The following IL17RA variants were observed in gnomAD, a reference collection of about 807,000 sequenced individuals.
IL17RA encodes the protein interleukin-17 receptor A.
Under a neutral mutation model 50.4 loss-of-function variants are expected in IL17RA, and 34 were observed. The ratio of observed to expected loss-of-function variants is 0.67; its 90% CI spans 0.51 to 0.90. IL17RA has a LOEUF of 0.90. Ranked by LOEUF, IL17RA falls within the 40% of genes least tolerant of loss-of-function variation. The probability of loss-of-function intolerance (pLI) is 0.00; values close to 1 mark genes in which losing one functional copy is unlikely to be tolerated. For missense variants in IL17RA, 1,276 were observed against 1,169.8 expected, an observed-to-expected ratio of 1.09 and a Z score of -1.32; for synonymous variants, 585 against 510.4, an observed-to-expected ratio of 1.15 and a Z score of -1.97.
chr22:17,106,361 C>T (rs1203083649), intron 11 of IL17RA, among the ~76,000 whole-genome samples: 2 of 152,162 alleles, frequency 1.3e-5, no homozygotes, highest in Non-Finnish European at 2.9e-5. Flanking sequence ...AGAGAAGGCT[C>T]CGGCTGCCCT....
rs1419874471 is a variant in IL17RA, at chr22:17,112,540, A to G, written c.*2720A>G. On this transcript the variant is annotated 3_prime_UTR_variant, in exon 13 of 13. Transcript: ENST00000319363. ...TAGAGAAAGGAGTCATAAATTCTCC[A>G]AGGTGTCTGTTTCTTCTTTAATGTC... 6.6e-6 allele frequency: 1 copy of G among 151,946 alleles called. No individual in the cohort carries two copies. The highest frequency in any genetic ancestry group is 1.5e-5 in the Non-Finnish European group (1 of 68,006). The allele number at this position is 151,946 out of a possible 1,614,324, so 9.4% of individuals were successfully genotyped here. A position where few individuals can be genotyped will look rare whatever the true frequency, so the allele number is the denominator to read the frequency against.
rs2061441655 is a variant in IL17RA, at chr22:17,111,272, G to T, written c.*1452G>T. 1 of 152,256 alleles carries T rather than the reference G, an allele frequency of 6.6e-6. No individual in the cohort carries two copies. Among genetic ancestry groups the T allele is most frequent in the African/African-American group, 2.4e-5 (1 of 41,430 alleles). 9.4% of individuals were successfully genotyped at this position (152,256 alleles called of 1,614,324 possible). A position where few individuals can be genotyped will look rare whatever the true frequency, so the allele number is the denominator to read the frequency against. On this transcript the variant is annotated 3_prime_UTR_variant, in exon 13 of 13. Coordinates refer to ENST00000319363, the MANE Select transcript of IL17RA (RefSeq NM_014339.7). ...GGTGAAACGTAAAAGCATCTGGCAG[G>T]AAGGTGAGTCTGAAGCCCTGCACCC... is the stretch of plus-strand genomic sequence containing the variant.
Position 17,105,606 on chromosome 22 carries a change from A to G in IL17RA, c.943+4A>G. On this transcript the variant is annotated splice_donor_region_variant and intron_variant, in intron 10 of 12. Transcript: ENST00000319363. ...CTCATTGCAGAACCAATTCCGGGTA[A>G]GCTTGGATCTCTCTCCGACAGCACT... 6.2e-7 allele frequency: 1 copy of G among 1,613,402 alleles called. No individual in the cohort carries two copies. The highest frequency in any genetic ancestry group is 8.5e-7 in the Non-Finnish European group (1 of 1,179,336).
chr22:17,105,984 G>A (rs2061413417), intron 11 of IL17RA, 30 bp downstream of exon 11: 1 of 1,566,030 alleles, frequency 6.4e-7, no homozygotes, highest in Non-Finnish European at 8.8e-7. Context: ...CTGTCCTGGA[G>A]TCAGGCTCTA....
intron 1 of IL17RA, among the ~76,000 whole-genome samples, chr22:17,092,887 A>G (rs1216289027): frequency 2.0e-5 from 3 of 152,168 alleles, no homozygotes; most frequent in Non-Finnish European, 4.4e-5. Context: ...CCTCAATTTC[A>G]TAGACTAACC....
intron 9 of IL17RA, among the ~76,000 whole-genome samples, chr22:17,105,207 C>A (rs1442391034): frequency 3.3e-5 from 5 of 152,292 alleles, no homozygotes; most frequent in African/African-American, 1.2e-4. Flanking sequence ...CCACCCCAAA[C>A]CCCAGGTTCC....
At chr22:17,101,323 T>G (rs2123801844) in intron 5 of IL17RA, among the ~76,000 whole-genome samples, 1 of 152,326 alleles carries the variant, frequency 6.6e-6, no homozygotes. Flanking sequence ...TTAAGGATGG[T>G]GTTGACCTTC....
chr22:17,114,464 CCCCTGGAGT>C lies in IL17RA; in HGVS notation c.*4647_*4655del, dbSNP rs2061458608. The C allele has an allele frequency of 6.6e-6, 1 of 152,320 alleles. No homozygotes were observed. Among genetic ancestry groups the C allele is most frequent in the Admixed American group, 6.5e-5 (1 of 15,284 alleles). The allele number at this position is 152,320 out of a possible 1,614,324, so 9.4% of individuals were successfully genotyped here. A position where few individuals can be genotyped will look rare whatever the true frequency, so the allele number is the denominator to read the frequency against. ...CAGGAAGCCTGGCCCAGCCCACCTC[CCCCTGGAGT>C]CCTTCCCAGGAGGAATAACCCCTTA... On this transcript the variant is annotated 3_prime_UTR_variant, in exon 13 of 13. Transcript: ENST00000319363.
chr22:17,101,663 G>A (rs556396845), intron 5 of IL17RA, among the ~76,000 whole-genome samples: 7 of 152,242 alleles, frequency 4.6e-5, no homozygotes, highest in Non-Finnish European at 1.0e-4. Context: ...CCTGTCACAT[G>A]TCTTCTCAGC....
At chr22:17,094,699 A>ATATATATATGTG (rs1555873370) in intron 1 of IL17RA, among the ~76,000 whole-genome samples, 7 of 57,136 alleles carry the variant, frequency 1.2e-4, no homozygotes, top group Admixed American at 6.7e-4. Context: ...CTCTATATAT[A>ATATATATATGTG]TATATATATA....
chr22:17,097,481 T>C, intron 2 of IL17RA: 1 of 526,968 alleles, frequency 1.9e-6, no homozygotes, highest in Non-Finnish European at 3.4e-6. Context: ...CCCTGACATA[T>C]AACAATAAAG....
chr22:17,100,595 C>A, intron 5 of IL17RA, 114 bp downstream of exon 5: 1 of 1,342,874 alleles, frequency 7.4e-7, no homozygotes, highest in Non-Finnish European at 1.1e-6. Flanking sequence ...GCATTGCCAG[C>A]ACCTGGGACC....
chr22:17,105,733 C>G, intron 10 of IL17RA, 120 bp from the exon 11 acceptor site: 1 of 1,392,082 alleles, frequency 7.2e-7, no homozygotes, highest in Non-Finnish European at 1.0e-6. Flanking sequence ...GGGGTGAGAC[C>G]ATGGTTTGTC....
At position 17,109,154 on chromosome 22, in the gene IL17RA, A is replaced by G. The variant is rs2061428287; in HGVS notation, c.1935A>G (p.Ala645=). 1 of 1,533,766 alleles carries G rather than the reference A, an allele frequency of 6.5e-7. No individual in the cohort carries two copies. The highest frequency in any genetic ancestry group is 2.0e-5 in the Admixed American group (1 of 50,882). ...CGCTGGTCGGGGAGGAAGGAGGAGC[A>G]GCAGTGGCAAAGCTGGAACCTCACC... ...IDPLVGEEGG[A]AVAKLEPHLQ... The change falls in exon 13 of 13, where the codon GCA becomes GCG. Residue 645 remains alanine, a synonymous_variant. Coordinates refer to ENST00000319363, the MANE Select transcript of IL17RA (RefSeq NM_014339.7).
At chr22:17,100,143 A>T (rs1221672388) in intron 4 of IL17RA, among the ~76,000 whole-genome samples, 4 of 76,822 alleles carry the variant, frequency 5.2e-5, no homozygotes, top group African/African-American at 4.1e-4. Flanking sequence ...TCCAGGTTTA[A>T]AAAAAAAAAA....
chr22:17,094,423 T>C (rs1040482885), intron 1 of IL17RA, among the ~76,000 whole-genome samples: 2 of 151,888 alleles, frequency 1.3e-5, no homozygotes, highest in Non-Finnish European at 2.9e-5. Flanking sequence ...TTTCCTATAA[T>C]TGTTATATTG....
At chr22:17,103,644 TGAG>T (rs2061399945) in intron 8 of IL17RA, 67 bp downstream of exon 8, 1 of 1,224,538 alleles carries the variant, frequency 8.2e-7, no homozygotes, top group African/African-American at 1.5e-5. Flanking sequence ...TGGACAGGAG[TGAG>T]GAGTGTGCAC....
Position 17,085,229 on chromosome 22 carries a change from G to T in IL17RA, c.138G>T (p.Pro46=), listed in dbSNP as rs1186749135. The T allele has an allele frequency of 6.5e-7, 1 of 1,538,378 alleles. No homozygotes were observed. The highest frequency in any genetic ancestry group is 8.7e-7 in the Non-Finnish European group (1 of 1,146,104). ...ACCGGGCGCTGGTCTGCTCCCAGCC[G>T]GTGAGACTCGACGTGGGGAGCGGTA... The part of the protein sequence containing the change: ...LDHRALVCSQ[P]GLNCTVKNST... The change falls in exon 1 of 13, where the codon CCG becomes CCT. Residue 46 remains proline (P), a splice_region_variant and synonymous_variant. Coordinates refer to ENST00000319363, the MANE Select transcript of IL17RA (RefSeq NM_014339.7).
intron 1 of IL17RA, among the ~76,000 whole-genome samples, chr22:17,089,943 C>CAAGAT (rs1253033089): frequency 6.7e-6 from 1 of 150,058 alleles, no homozygotes; most frequent in African/African-American, 2.4e-5. Flanking sequence ...TTGGACAAGA[C>CAAGAT]AAGATATGTC....
Sources: allele counts gnomAD v4.1 joint callset (sites outside exome capture counted in the v4.1 genomes callset), GRCh38; gene constraint gnomAD v4.1.1; transcripts MANE v1.5; gene names NCBI Gene and HGNC (gene_info 2026-07-23, HGNC 2026-07-21).